DBT: variants seen among roughly 807,000 people sequenced by gnomAD.
DBT encodes dihydrolipoamide branched chain transacylase E2.
In DBT, 40 loss-of-function variants were observed where a neutral mutation model predicts 51.3. The ratio of observed to expected loss-of-function variants is 0.78; its 90% CI spans 0.61 to 1.02. The LOEUF (loss-of-function observed/expected upper bound fraction) is 1.02, where lower values mean the gene tolerates loss of function less well. Ranked by LOEUF, DBT falls within the 50% of genes least tolerant of loss-of-function variation. The pLI is 0.00. For missense variants in DBT, 510 were observed against 580.2 expected (o/e 0.88, Z 1.24); for synonymous variants, 181 against 190.4 (o/e 0.95, Z 0.41).
chr1:100,207,672 T>C (rs1661871649), intron 8 of DBT, among the ~76,000 whole-genome samples: 2 of 151,914 alleles, frequency 1.3e-5, no homozygotes, highest in South Asian at 2.1e-4. Flanking sequence ...AAAATTTTTT[T>C]TAATTAGCTA....
chr1:100,202,372 T>C (rs1232400081), intron 10 of DBT, among the ~76,000 whole-genome samples: 1 of 152,198 alleles, frequency 6.6e-6, no homozygotes, highest in African/African-American at 2.4e-5. Flanking sequence ...ATCCTAAATA[T>C]ATATGCACCC....
chr1:100,243,779 C>A (rs572228291), intron 1 of DBT, among the ~76,000 whole-genome samples: 2 of 152,096 alleles, frequency 1.3e-5, no homozygotes, highest in East Asian at 3.9e-4. Context: ...AATTTGATGT[C>A]AAAGACCCTA....
At chr1:100,228,947 G>A (rs369532732) in intron 4 of DBT, among the ~76,000 whole-genome samples, 1 of 152,072 alleles carries the variant, frequency 6.6e-6, no homozygotes, top group East Asian at 1.9e-4. Flanking sequence ...GTGAACATTA[G>A]GGTTTTTGTT....
At chr1:100,218,786 A>ATTT in intron 4 of DBT, 39 bp from the exon 5 acceptor site, 1 of 1,328,182 alleles carries the variant, frequency 7.5e-7, no homozygotes, top group Non-Finnish European at 1.0e-6. Flanking sequence ...TTGAAAAAAA[A>ATTT]TTTTTTTTTT....
chr1:100,240,032 G>GA (rs1184667324), intron 2 of DBT, among the ~76,000 whole-genome samples: 3 of 151,728 alleles, frequency 2.0e-5, no homozygotes, highest in East Asian at 3.9e-4. Flanking sequence ...AGAACATCAG[G>GA]AAAAAAAACA....
intron 1 of DBT, among the ~76,000 whole-genome samples, chr1:100,242,327 T>G (rs1303013250): frequency 6.6e-6 from 1 of 152,074 alleles, no homozygotes; most frequent in East Asian, 1.9e-4. Flanking sequence ...AGAATTTTTG[T>G]TTTTTTCTGA....
chr1:100,211,308 A>G (rs1327051394), intron 7 of DBT, among the ~76,000 whole-genome samples: 6 of 152,176 alleles, frequency 3.9e-5, no homozygotes, highest in Admixed American at 3.9e-4. Flanking sequence ...AATAGCATTT[A>G]TATTTTCCCT....
intron 10 of DBT, among the ~76,000 whole-genome samples, chr1:100,200,314 A>C (rs1368612377): frequency 1.3e-5 from 2 of 152,188 alleles, no homozygotes; most frequent in Non-Finnish European, 2.9e-5. Context: ...GGCAGAGCCC[A>C]CTGCAGCTCA....
intron 10 of DBT, among the ~76,000 whole-genome samples, chr1:100,205,522 C>T (rs867766993): frequency 1.2e-4 from 18 of 152,150 alleles, no homozygotes; most frequent in African/African-American, 4.1e-4. Context: ...TGAGTTCAAC[C>T]ATTGTGGAAG....
intron 4 of DBT, 112 bp downstream of exon 4, chr1:100,230,621 T>C (rs1276713874): frequency 1.8e-6 from 1 of 569,962 alleles, no homozygotes; most frequent in Non-Finnish European, 2.9e-6. Context: ...TAAAAATAAA[T>C]AGGAATAGAA....
rs910143491 is a variant in DBT at position 100,187,239 on chromosome 1, A to G, written c.*9016T>C. ...TCGGAAGAATAGAATAAAAGACATA[A>G]AAGTCTTTCTTCAAAAGAAAAACAA... On this transcript the variant is annotated 3_prime_UTR_variant, in exon 11 of 11. Coordinates refer to ENST00000370132, the MANE Select transcript of DBT (RefSeq NM_001918.5). 6.6e-6 allele frequency: 1 copy of G among 152,178 alleles called. No individual in the cohort carries two copies. Among genetic ancestry groups the G allele is most frequent in the Non-Finnish European group, 1.5e-5 (1 of 68,034 alleles). The allele number at this position is 152,178 out of a possible 1,614,324, so 9.4% of individuals were successfully genotyped here.
At chr1:100,231,380 T>C (rs949284031) in intron 3 of DBT, among the ~76,000 whole-genome samples, 15 of 152,228 alleles carry the variant, frequency 9.9e-5, no homozygotes, top group African/African-American at 3.6e-4. Flanking sequence ...TTCCTAAAAT[T>C]ATTTTAGCCT....
In DBT at chr1:100,196,371, T is replaced by G; in HGVS notation, c.1333A>C (p.Asn445His). ...CTGTGATCAGCTGACCAGCTCACAT[T>G]CATTATCTGTGCCTTATATACTTCT... is the stretch of plus-strand genomic sequence containing the variant. ...KGEVYKAQIM[N>H]VSWSADHRVI... Residue 445 changes from asparagine (N) to histidine (H), a missense_variant, in exon 11 of 11, where the codon AAT (asparagine) becomes CAT (histidine). Transcript: ENST00000370132. 3.1e-6 allele frequency: 5 copies of G among 1,593,338 alleles called. No individual in the cohort carries two copies. The highest frequency in any genetic ancestry group is 4.3e-6 in the Non-Finnish European group (5 of 1,172,182).
Position 100,214,895 on chromosome 1 carries a change from CA to C in DBT, c.860del (p.Leu287ArgfsTer8). The C allele has an allele frequency of 1.2e-6, 2 of 1,613,882 alleles. No individual in the cohort carries two copies. Among genetic ancestry groups the C allele is most frequent in the Non-Finnish European group, 1.7e-6 (2 of 1,179,826 alleles). On this transcript the variant is annotated frameshift_variant, in exon 7 of 11. Transcript: ENST00000370132. LOFTEE classifies it high-confidence loss of function. The part of the protein sequence containing the change: ...GYCDEIDLTE[L>X]VKLREELKPI... ...GTTTTAATTCTTCTCGGAGCTTAAC[CA>C]GTTCAGTAAGGTCAATCTCATCACA...
chr1:100,240,785 G>A lies in DBT; in HGVS notation c.151C>T (p.His51Tyr), dbSNP rs761191838. 7 of 1,605,516 alleles carry A rather than the reference G, an allele frequency of 4.4e-6. No homozygotes were observed. In the African/African-American group the frequency reaches 9.4e-5, roughly 21 times the overall value. Residue 51 changes from histidine to tyrosine, a missense_variant, in exon 2 of 11, where the codon CAT becomes TAT. Physicochemically the swap from His to Tyr is moderately conservative, Grantham distance 83. Transcript: ENST00000370132. The stretch of plus-strand genomic sequence containing the variant: ...CCAGCAGTTGTTTTCAGGAAGTGAT[G>A]TGGATGACTATACTTGAATGAAGGA... ...GYPSFKYSHP[H>Y]HFLKTTAALR...
chr1:100,189,776 G>C lies in DBT; in HGVS notation c.*6479C>G, dbSNP rs1374277031. On this transcript the variant is annotated 3_prime_UTR_variant, in exon 11 of 11. Coordinates refer to ENST00000370132, the MANE Select transcript of DBT (RefSeq NM_001918.5). ...CAAACTGAAATTTGCCATTAGAGAA[G>C]GGAGTTCTTTGTTTTTCGTTTGTTT... 1 of 152,156 alleles carries C rather than the reference G, an allele frequency of 6.6e-6. No homozygotes were observed. The highest frequency in any genetic ancestry group is 1.5e-5 in the Non-Finnish European group (1 of 68,016). The allele number at this position is 152,156 out of a possible 1,614,324, so 9.4% of individuals were successfully genotyped here. A position where few individuals can be genotyped will look rare whatever the true frequency, so the allele number is the denominator to read the frequency against.
rs770981889 is a variant in DBT at position 100,214,854 on chromosome 1, C to A, written c.902G>T (p.Arg301Leu). ...AGGCATAAAGGAGAGTTTAATTCCA[C>A]GAGCAAATGCAATGGGTTTTAATTC... ...REELKPIAFA[R>L]GIKLSFMPFF... The change falls in exon 7 of 11, where the codon CGT becomes CTT. Residue 301 changes from arginine to leucine, a missense_variant. By Grantham distance (102) the Arg-to-Leu change is moderately radical. Coordinates refer to ENST00000370132, the MANE Select transcript of DBT (RefSeq NM_001918.5). 1 of 1,614,044 alleles carries A rather than the reference C, an allele frequency of 6.2e-7. No homozygotes were observed. Among genetic ancestry groups the A allele is most frequent in the Non-Finnish European group, 8.5e-7 (1 of 1,179,994 alleles).
chr1:100,249,709 T>C, intron 1 of DBT, 61 bp downstream of exon 1: 1 of 1,548,966 alleles, frequency 6.5e-7, no homozygotes, highest in Non-Finnish European at 8.9e-7. Flanking sequence ...AAAACACCAC[T>C]CCTGGATGAC....
At position 100,210,692 on chromosome 1, in the gene DBT, A is replaced by G; in HGVS notation, c.1017+2T>C. On this transcript the variant is annotated splice_donor_variant, in intron 8 of 10. Transcript: ENST00000370132. LOFTEE classifies it high-confidence loss of function. ...AGAACATTTTTACTCTGCATAGCCA[A>G]CCTTATATGTTATATTCTGGCAGTT... 6.2e-7 allele frequency: 1 copy of G among 1,613,152 alleles called. No individual in the cohort carries two copies. The highest frequency in any genetic ancestry group is 8.5e-7 in the Non-Finnish European group (1 of 1,179,236).
Sources: allele counts gnomAD v4.1 joint callset (sites outside exome capture counted in the v4.1 genomes callset), GRCh38; gene constraint gnomAD v4.1.1; transcripts MANE v1.5; gene names NCBI Gene and HGNC (gene_info 2026-07-23, HGNC 2026-07-21).